Variants in APBB2 observed in about 807,000 individuals in gnomAD.
APBB2 encodes the protein amyloid beta precursor protein binding family B member 2, also known as Fe65-like 1.
In APBB2, 38 loss-of-function variants were observed where a neutral mutation model predicts 82.5. The observed-to-expected ratio is 0.46, with a 90% CI of 0.36 to 0.60. APBB2 has a LOEUF of 0.60. APBB2 is among the 20% of genes least tolerant of loss of function. The pLI is 0.00. For synonymous variants in APBB2, 341 were observed against 368.2 expected (o/e 0.93, Z 0.85); for missense variants, 772 against 972.3 (o/e 0.79, Z 2.74).
intron 10 of APBB2, among the ~76,000 whole-genome samples, chr4:40,912,116 A>G (rs965433647): frequency 3.3e-5 from 5 of 152,344 alleles, no homozygotes; most frequent in Admixed American, 3.3e-4. Flanking sequence ...TTTATTTAAT[A>G]GGAAATAGAG....
intron 3 of APBB2, among the ~76,000 whole-genome samples, chr4:41,074,144 T>G (rs1734807851): frequency 6.6e-6 from 1 of 152,090 alleles, no homozygotes; most frequent in African/African-American, 2.4e-5. Flanking sequence ...AACAAAGGAA[T>G]AAGAGGTTGA....
intron 6 of APBB2, among the ~76,000 whole-genome samples, chr4:40,960,581 G>A (rs1792900247): frequency 6.6e-6 from 1 of 151,316 alleles, no homozygotes; most frequent in South Asian, 2.1e-4. Flanking sequence ...CTGAGTAGCT[G>A]GGACTACAGG....
At chr4:41,059,706 T>G (rs988917909) in intron 4 of APBB2, among the ~76,000 whole-genome samples, 7 of 152,278 alleles carry the variant, frequency 4.6e-5, no homozygotes, top group Admixed American at 4.6e-4. Context: ...TTTAGTTAAT[T>G]TATTATTTAT....
intron 3 of APBB2, among the ~76,000 whole-genome samples, chr4:41,083,726 A>T: frequency 7.0e-6 from 1 of 143,740 alleles, no homozygotes; most frequent in East Asian, 2.1e-4. Context: ...TTTCATTGCC[A>T]TTTATAGGTC....
chr4:41,099,469 G>C (rs947878672), intron 3 of APBB2, among the ~76,000 whole-genome samples: 1 of 152,102 alleles, frequency 6.6e-6, no homozygotes, highest in Admixed American at 6.5e-5. Context: ...AACCTCAGGT[G>C]ATCCGTCCAC....
At chr4:41,040,794 T>G (rs537212029) in intron 4 of APBB2, among the ~76,000 whole-genome samples, 1 of 152,338 alleles carries the variant, frequency 6.6e-6, no homozygotes, top group East Asian at 1.9e-4. Flanking sequence ...GCCTCTCAAC[T>G]GCTGGTAGGC....
At chr4:40,861,803 G>A (rs1308721097) in intron 12 of APBB2, among the ~76,000 whole-genome samples, 1 of 127,374 alleles carries the variant, frequency 7.9e-6, no homozygotes, top group African/African-American at 3.2e-5. Flanking sequence ...TTATGAAGGT[G>A]TTCTATTGTT....
At chr4:40,887,385 A>C (rs1560797802) in intron 12 of APBB2, among the ~76,000 whole-genome samples, 1 of 152,214 alleles carries the variant, frequency 6.6e-6, no homozygotes, top group African/African-American at 2.4e-5. Context: ...CACATCAAGA[A>C]ATCCCTGAAG....
At chr4:40,833,260 T>G (rs928423688) in intron 12 of APBB2, among the ~76,000 whole-genome samples, 1 of 152,140 alleles carries the variant, frequency 6.6e-6, no homozygotes, top group Non-Finnish European at 1.5e-5. Flanking sequence ...CCACACAAAG[T>G]CCAAAAACCT....
chr4:40,948,034 C>T (rs1273441055), intron 6 of APBB2, among the ~76,000 whole-genome samples: 1 of 152,174 alleles, frequency 6.6e-6, no homozygotes, highest in Non-Finnish European at 1.5e-5. Flanking sequence ...TCATGACTCC[C>T]AAGACTTACT....
At chr4:40,934,386 G>A in intron 10 of APBB2, 70 bp downstream of exon 10, 2 of 1,461,830 alleles carry the variant, frequency 1.4e-6, no homozygotes, top group Non-Finnish European at 1.9e-6. Flanking sequence ...GTAAAAACTG[G>A]ACAATGATCC....
chr4:40,888,715 C>A (rs369060758), intron 12 of APBB2, among the ~76,000 whole-genome samples: 3 of 133,150 alleles, frequency 2.3e-5, no homozygotes, highest in Admixed American at 7.5e-5. Flanking sequence ...TATGTAATGT[C>A]ACAAGCTCCA....
Position 40,815,869 on chromosome 4 carries a change from G to A in APBB2, c.*223C>T, listed in dbSNP as rs1560587911. 7 of 526,428 alleles carry A rather than the reference G, an allele frequency of 1.3e-5. No individual in the cohort carries two copies. The highest frequency in any genetic ancestry group is 5.1e-4 in the Middle Eastern group (1 of 1,974). 32.6% of individuals were successfully genotyped at this position (526,428 alleles called of 1,614,324 possible). ...CAATAAGAAAAAGACCTTCCACTGC[G>A]CATGATGTAACTTACAGCAAAAAAA... On this transcript the variant is annotated 3_prime_UTR_variant, in exon 18 of 18. Coordinates refer to ENST00000508593, the MANE Select transcript of APBB2 (RefSeq NM_004307.2).
At chr4:41,098,414 C>T (rs1305696288) in intron 3 of APBB2, among the ~76,000 whole-genome samples, 2 of 152,092 alleles carry the variant, frequency 1.3e-5, no homozygotes, top group Non-Finnish European at 2.9e-5. Context: ...AGCTCTTGGG[C>T]TCAAGCAATC....
At chr4:40,918,088 A>G (rs1780283010) in intron 10 of APBB2, among the ~76,000 whole-genome samples, 4 of 152,262 alleles carry the variant, frequency 2.6e-5, no homozygotes. Context: ...ACTTTAGCAC[A>G]TAAAACAGAA....
intron 12 of APBB2, chr4:40,857,162 A>G: frequency 2.0e-6 from 2 of 985,324 alleles, no homozygotes; most frequent in Non-Finnish European, 1.2e-6. Flanking sequence ...AGTTGAAGAG[A>G]GCGGCGCCCG....
chr4:40,972,194 C>T (rs532316628), intron 6 of APBB2, among the ~76,000 whole-genome samples: 3 of 151,978 alleles, frequency 2.0e-5, no homozygotes, highest in South Asian at 2.1e-4. Flanking sequence ...TTTGGGAGGC[C>T]GAGGTGGGTG....
intron 5 of APBB2, among the ~76,000 whole-genome samples, chr4:41,026,652 T>A (rs1405706142): frequency 1.3e-5 from 2 of 152,246 alleles, no homozygotes; most frequent in African/African-American, 4.8e-5. Flanking sequence ...TGTTGTAGCA[T>A]GTATCAGTAC....
chr4:41,144,024 A>G (rs915634439), intron 1 of APBB2, among the ~76,000 whole-genome samples: 1 of 152,232 alleles, frequency 6.6e-6, no homozygotes, highest in African/African-American at 2.4e-5. Context: ...AGAAAACTCA[A>G]TGAGGGAATC....
Sources: allele counts gnomAD v4.1 joint callset (sites outside exome capture counted in the v4.1 genomes callset), GRCh38; gene constraint gnomAD v4.1.1; transcripts MANE v1.5; gene names NCBI Gene and HGNC (gene_info 2026-07-23, HGNC 2026-07-21).